Variants in ZNF395 observed in about 807,000 individuals in gnomAD.
ZNF395 encodes zinc finger protein 395.
A neutral mutation model predicts 57.7 loss-of-function variants in ZNF395; 20 were observed. The ratio of observed to expected loss-of-function variants is 0.35; its 90% confidence interval spans 0.24 to 0.50. The LOEUF (loss-of-function observed/expected upper bound fraction) is 0.50, where lower values mean the gene tolerates loss of function less well. Among genes scored for constraint, ZNF395 ranks in the 20% least tolerant of loss-of-function variants. The probability of loss-of-function intolerance (pLI) is 0.97; values close to 1 mark genes in which losing one functional copy is unlikely to be tolerated. For missense variants in ZNF395, 606 were observed against 671.2 expected (o/e 0.90, Z 1.07); for synonymous variants, 295 against 275.9 (o/e 1.07, Z -0.69).
rs1325660843 is a variant in ZNF395, at chr8:28,353,166, C to T, written c.819+7G>A. 2.5e-6 allele frequency: 4 copies of T among 1,613,390 alleles called. No individual in the cohort carries two copies. The African/African-American group carries it at 5.3e-5, about 22-fold the overall frequency. On this transcript the variant is annotated splice_region_variant and intron_variant, in intron 5 of 9. Coordinates refer to ENST00000344423, the MANE Select transcript of ZNF395 (RefSeq NM_018660.3). ...CCTGGGCTCCCACTCACACCACAATCACGTACCTTTCTTTTTCGTGGAGCT... is the reference window on the plus strand; with the variant it reads ...CCTGGGCTCCCACTCACACCACAATTACGTACCTTTCTTTTTCGTGGAGCT...
At position 28,350,084 on chromosome 8, in the gene ZNF395, C is replaced by T. The variant is rs1006787304; in HGVS notation, c.1306G>A (p.Ala436Thr). Residue 436 changes from alanine (A) to threonine (T), a missense_variant, in exon 8 of 10, where the codon GCC (alanine) becomes ACC (threonine). Physicochemically the swap from Ala to Thr is moderately conservative, Grantham distance 58. Transcript: ENST00000344423. Reference sequence around the variant, plus strand: ...CTCACCGGAGAGAGAGAGCAGGCGGCGGAGGGGGCAGCAGCCCAGCTGACA... The same window carrying T: ...CTCACCGGAGAGAGAGAGCAGGCGGTGGAGGGGGCAGCAGCCCAGCTGACA... Reference protein sequence around the residue: ...TSVSWAAAPSAACSLSPVRSR... With the variant: ...TSVSWAAAPSTACSLSPVRSR... 9.4e-6 allele frequency: 15 copies of T among 1,603,822 alleles called. No individual in the cohort carries two copies. Among genetic ancestry groups the T allele is most frequent in the Admixed American group, 3.4e-5 (2 of 58,224 alleles).
intron 1 of ZNF395, among the ~76,000 whole-genome samples, chr8:28,367,216 A>G (rs900985825): frequency 6.6e-6 from 1 of 152,234 alleles, no homozygotes; most frequent in Non-Finnish European, 1.5e-5. Context: ...AAATGATAGA[A>G]TATCAAGACT....
At position 28,352,311 on chromosome 8, in the gene ZNF395, C is replaced by T. The variant is rs558739557; in HGVS notation, c.920+262G>A. Among the ~76,000 whole-genome samples, 217 of 152,328 alleles carry T rather than the reference C, an allele frequency of 1.4e-3. No individual in the cohort carries two copies. The highest frequency in any genetic ancestry group is 2.6e-3 in the Non-Finnish European group (176 of 68,024). ...CACCAGCAACTAAACCAAATGACCC[C>T]GTTTCTACCCAGAACTAAAACATCT... On this transcript the variant is annotated intron_variant, in intron 6 of 9. Transcript: ENST00000344423. This position sits in a 1 kb window ranked among gnomAD's most constrained non-coding sequence, Gnocchi z 4.0.
chr8:28,385,879 C>T (rs1199138918), intron 1 of ZNF395: 1 of 146,382 alleles, frequency 6.8e-6, no homozygotes, highest in Non-Finnish European at 1.5e-5. Context: ...CGCCGCGGCC[C>T]CGGCCTCCCA....
rs1338111210 is a variant in ZNF395, at chr8:28,346,929, A to G, written c.*1790T>C. ...CTGGCTTTGAGCTTTACCAAGAGAC[A>G]GAATTCCACATACATTTTTTTTTTT... On this transcript the variant is annotated 3_prime_UTR_variant, in exon 10 of 10. Coordinates refer to ENST00000344423, the MANE Select transcript of ZNF395 (RefSeq NM_018660.3). The G allele has an allele frequency of 6.6e-6, 1 of 151,812 alleles. No homozygotes were observed. Among genetic ancestry groups the G allele is most frequent in the Admixed American group, 6.6e-5 (1 of 15,264 alleles). The allele number at this position is 151,812 out of a possible 1,614,324, so 9.4% of individuals were successfully genotyped here.
At chr8:28,351,942 G>A (rs1801718957) in intron 6 of ZNF395, 135 bp from the exon 7 acceptor site, 2 of 987,900 alleles carry the variant, frequency 2.0e-6, no homozygotes, top group Non-Finnish European at 1.5e-6. Flanking sequence ...GAACACCCAG[G>A]TGCCTCGCTC....
At chr8:28,368,875 G>A (rs1801943146) in intron 1 of ZNF395, among the ~76,000 whole-genome samples, 1 of 151,682 alleles carries the variant, frequency 6.6e-6, no homozygotes, top group African/African-American at 2.4e-5. Flanking sequence ...TCGCTCTGTC[G>A]ACCAGGTTGG....
At chr8:28,372,021 T>TGACA (rs962181232) in intron 1 of ZNF395, among the ~76,000 whole-genome samples, 1 of 151,860 alleles carries the variant, frequency 6.6e-6, no homozygotes, top group African/African-American at 2.4e-5. Flanking sequence ...CTAGCCTGGG[T>TGACA]GACAGAGTGA....
Position 28,348,618 on chromosome 8 carries a change from C to G in ZNF395, c.*101G>C. 1 of 1,066,268 alleles carries G rather than the reference C, an allele frequency of 9.4e-7. No homozygotes were observed. Among genetic ancestry groups the G allele is most frequent in the South Asian group, 1.3e-5 (1 of 77,544 alleles). The allele number at this position is 1,066,268 out of a possible 1,614,324, so 66.1% of individuals were successfully genotyped here. On this transcript the variant is annotated 3_prime_UTR_variant, in exon 10 of 10. Transcript: ENST00000344423. ...CAACAGAGCCCAAACTCCGTGTTTC[C>G]GTTCTTTCTCTTTCGGTTTCTGCTG...
At chr8:28,371,799 A>T (rs1033565664) in intron 1 of ZNF395, among the ~76,000 whole-genome samples, 1 of 152,220 alleles carries the variant, frequency 6.6e-6, no homozygotes, top group African/African-American at 2.4e-5. Context: ...CTGTAATCCC[A>T]GCACTTTGGG....
At chr8:28,358,232 C>T (rs1801806219) in intron 3 of ZNF395, among the ~76,000 whole-genome samples, 2 of 148,898 alleles carry the variant, frequency 1.3e-5, no homozygotes, top group Non-Finnish European at 3.0e-5. Flanking sequence ...ACCACAGCCT[C>T]CCAAGTAGCT....
intron 1 of ZNF395, among the ~76,000 whole-genome samples, chr8:28,376,304 G>C (rs1802039647): frequency 6.6e-6 from 1 of 152,070 alleles, no homozygotes; most frequent in Admixed American, 6.5e-5. Flanking sequence ...GCCCAGCTGG[G>C]AACTATTACT....
In ZNF395 at chr8:28,352,271, T is replaced by C. The variant is rs572657310; in HGVS notation, c.920+302A>G. Among the ~76,000 whole-genome samples, 2 of 152,316 alleles carry C rather than the reference T, an allele frequency of 1.3e-5. No homozygotes were observed. The highest frequency in any genetic ancestry group is 3.9e-4 in the East Asian group (2 of 5,180). ...GTGCAGTGCTTGGCCACTAAACATC[T>C]TGGAAACGGGGTCTCACCAGCAACT... On this transcript the variant is annotated intron_variant, in intron 6 of 9. Coordinates refer to ENST00000344423, the MANE Select transcript of ZNF395 (RefSeq NM_018660.3). The surrounding 1 kb of genome is among the most constrained non-coding windows in gnomAD (Gnocchi z 4.0).
intron 1 of ZNF395, among the ~76,000 whole-genome samples, chr8:28,371,689 ATTC>A (rs759023693): frequency 6.6e-5 from 10 of 152,176 alleles, no homozygotes; most frequent in African/African-American, 1.4e-4. Context: ...CAGGGCGACA[ATTC>A]TTCTTATTTC....
intron 1 of ZNF395, among the ~76,000 whole-genome samples, chr8:28,364,815 T>C: frequency 6.6e-6 from 1 of 152,162 alleles, no homozygotes; most frequent in East Asian, 1.9e-4. Context: ...TACACATCCA[T>C]TTTCTCACGT....
chr8:28,349,934 G>A (rs1347324460), intron 8 of ZNF395, 130 bp downstream of exon 8: 20 of 764,394 alleles, frequency 2.6e-5, no homozygotes, highest in Non-Finnish European at 3.9e-5. Flanking sequence ...CACGTTTGGG[G>A]GCTGAAAGCA....
intron 1 of ZNF395, among the ~76,000 whole-genome samples, chr8:28,382,351 A>C (rs959935153): frequency 2.0e-5 from 3 of 152,172 alleles, no homozygotes; most frequent in Non-Finnish European, 4.4e-5. Flanking sequence ...ACCGGTTTAC[A>C]ACCTTTGCCC....
intron 1 of ZNF395, among the ~76,000 whole-genome samples, chr8:28,365,785 C>T (rs777239574): frequency 6.6e-6 from 1 of 152,224 alleles, no homozygotes; most frequent in Admixed American, 6.5e-5. Flanking sequence ...TCAGCAAACA[C>T]ATTCTGATGT....
At chr8:28,368,931 G>A (rs911388563) in intron 1 of ZNF395, among the ~76,000 whole-genome samples, 3 of 151,998 alleles carry the variant, frequency 2.0e-5, no homozygotes, top group African/African-American at 7.3e-5. Flanking sequence ...CTCTTCCCAG[G>A]TCCAAGCAAT....
Sources: allele counts gnomAD v4.1 joint callset (sites outside exome capture counted in the v4.1 genomes callset), GRCh38; gene constraint gnomAD v4.1.1; non-coding constraint Gnocchi (gnomAD v3.1); transcripts MANE v1.5; gene names NCBI Gene and HGNC (gene_info 2026-07-23, HGNC 2026-07-21).